CALHM4: variants seen among roughly 807,000 people sequenced by gnomAD.
CALHM4 encodes calcium homeostasis modulator family member 4, also known as calcium homeostasis modulator protein 4.
Under a neutral mutation model 13.3 loss-of-function variants are expected in CALHM4, and 16 were observed. That is an observed-to-expected ratio of 1.20 (90% confidence interval 0.81 to 1.82). The LOEUF (loss-of-function observed/expected upper bound fraction) is 1.82. CALHM4 is among the 40% of genes most tolerant of loss of function. The pLI is 0.00. For missense variants in CALHM4, 344 were observed against 374.9 expected (o/e 0.92, Z 0.68); for synonymous variants, 127 against 137.1 (o/e 0.93, Z 0.52).
At chr6:116,529,809 C>G (rs1321532) in intron 1 of CALHM4, among the ~76,000 whole-genome samples, 57,311 of 152,014 alleles carry the variant, frequency 0.38, 12,445 homozygotes, top group East Asian at 0.54. Context: ...TGAAAATAAA[C>G]AGGTTCCAGG....
chr6:116,530,835 G>A lies in CALHM4; in HGVS notation c.-109+1645G>A, dbSNP rs1270585773. Among the ~76,000 whole-genome samples the A allele has an allele frequency of 5.1e-5, 7 of 137,356 alleles. No homozygotes were observed. In the East Asian group the frequency reaches 1.5e-3, roughly 30 times the overall value. 90.1% of individuals were successfully genotyped at this position (137,356 alleles called of 152,430 possible). On this transcript the variant is annotated intron_variant, in intron 1 of 2. Transcript: ENST00000368597. Reference sequence around the variant, plus strand: ...CCCCAAATTCTAGCTCTGAAACAAAGAAAAACAAACACCAGCATCAGTAAC... The same window carrying A: ...CCCCAAATTCTAGCTCTGAAACAAAAAAAAACAAACACCAGCATCAGTAAC...
At chr6:116,545,388 G>A in intron 2 of CALHM4, 1 of 1,186,782 alleles carries the variant, frequency 8.4e-7, no homozygotes. Flanking sequence ...AATTCTTATA[G>A]CATCAGTTTT....
intron 1 of CALHM4, among the ~76,000 whole-genome samples, chr6:116,540,028 T>C (rs1562353328): frequency 6.6e-6 from 1 of 152,154 alleles, no homozygotes; most frequent in African/African-American, 2.4e-5. Flanking sequence ...GTGCTGAAAA[T>C]TATCGTAAAG....
intron 1 of CALHM4, chr6:116,543,171 C>A: frequency 1.6e-6 from 1 of 612,568 alleles, no homozygotes; most frequent in Non-Finnish European, 2.7e-6. Context: ...TTATGTTCAG[C>A]TTTCAGATGT....
At position 116,559,766 on chromosome 6, in the gene CALHM4, G is replaced by A. The variant is rs1432779731; in HGVS notation, c.*1555G>A. ...TTAAGGTCTCTTTTACATCAAGTAC[G>A]ATTTTTATGTTTATGTTTATATATA... is the stretch of plus-strand genomic sequence containing the variant. On this transcript the variant is annotated 3_prime_UTR_variant, in exon 2 of 2. Transcript: ENST00000368596. 5.3e-5 allele frequency among the ~76,000 whole-genome samples: 8 copies of A among 152,032 alleles called. No homozygotes were observed. Among genetic ancestry groups the A allele is most frequent in the Non-Finnish European group, 1.2e-4 (8 of 67,988 alleles).
upstream of CALHM4, among the ~76,000 whole-genome samples, chr6:116,552,014 G>A (rs1337127143): frequency 6.6e-6 from 1 of 152,108 alleles, no homozygotes; most frequent in African/African-American, 2.4e-5. Flanking sequence ...TTATACTTGT[G>A]CCCATCATTA....
chr6:116,543,915 G>A, intron 2 of CALHM4: 1 of 1,421,268 alleles, frequency 7.0e-7, no homozygotes, highest in Non-Finnish European at 9.5e-7. Flanking sequence ...AGGGGAATGT[G>A]ATATTTCCTT....
At chr6:116,534,388 G>T (rs1772940492) in intron 1 of CALHM4, among the ~76,000 whole-genome samples, 1 of 152,052 alleles carries the variant, frequency 6.6e-6, no homozygotes, top group Non-Finnish European at 1.5e-5. Flanking sequence ...AGGAGTTTTG[G>T]CTTGAAATAT....
chr6:116,553,046 C>A (rs1456833292), upstream of CALHM4, among the ~76,000 whole-genome samples: 1 of 152,192 alleles, frequency 6.6e-6, no homozygotes, highest in Admixed American at 6.5e-5. Flanking sequence ...TGCACTCCAG[C>A]CTGGGCGACA....
At chr6:116,557,423 C>A (rs1270710358) in intron 1 of CALHM4, among the ~76,000 whole-genome samples, 2 of 152,150 alleles carry the variant, frequency 1.3e-5, no homozygotes, top group Non-Finnish European at 2.9e-5. Flanking sequence ...CCATCATTAT[C>A]AAATACTTAT....
intron 1 of CALHM4, among the ~76,000 whole-genome samples, chr6:116,536,745 G>C (rs1016802705): frequency 3.3e-5 from 5 of 152,164 alleles, no homozygotes; most frequent in African/African-American, 1.2e-4. Context: ...TGAGAGGGGA[G>C]CCAAACAAAT....
rs1774562944 is a variant in CALHM4 at position 116,560,884 on chromosome 6, T to C, written c.*2673T>C. 6.6e-6 allele frequency among the ~76,000 whole-genome samples: 1 copy of C among 152,224 alleles called. No individual in the cohort carries two copies. Among genetic ancestry groups the C allele is most frequent in the South Asian group, 2.1e-4 (1 of 4,832 alleles). On this transcript the variant is annotated 3_prime_UTR_variant, in exon 2 of 2. Transcript: ENST00000368596. ...TGACATATATAAACCTGCTCCTTTC[T>C]TAATTTCATTAGCTCCTCCACGGTC...
Position 116,540,144 on chromosome 6 carries a change from C to T in CALHM4, c.-108-3621C>T, listed in dbSNP as rs188129016. 8.5e-5 allele frequency among the ~76,000 whole-genome samples: 13 copies of T among 152,276 alleles called. No homozygotes were observed. In the South Asian group the frequency reaches 2.5e-3, roughly 29 times the overall value. The stretch of plus-strand genomic sequence containing the variant: ...CTGTGAGACATATACTCTACACACT[C>T]CTGTAGTCAGGAAAATCTATAGTTG... On this transcript the variant is annotated intron_variant, in intron 1 of 2. Transcript: ENST00000368597.
chr6:116,539,262 T>C (rs1239753657), intron 1 of CALHM4, among the ~76,000 whole-genome samples: 1 of 152,240 alleles, frequency 6.6e-6, no homozygotes, highest in Non-Finnish European at 1.5e-5. Context: ...ATCTTACTTA[T>C]ATTCTGACAA....
upstream of CALHM4, among the ~76,000 whole-genome samples, chr6:116,550,015 TATATATATA>T (rs1562361125): frequency 2.8e-5 from 2 of 70,686 alleles, no homozygotes; most frequent in East Asian, 1.0e-3. Context: ...TATATATATA[TATATATATA>T]TACACACACA....
At chr6:116,535,091 G>T (rs1161175373) in intron 1 of CALHM4, among the ~76,000 whole-genome samples, 1 of 152,194 alleles carries the variant, frequency 6.6e-6, no homozygotes, top group Non-Finnish European at 1.5e-5. Flanking sequence ...TAACTAGAAG[G>T]TATGGATGGA....
chr6:116,550,497 T>C (rs567633252), upstream of CALHM4, among the ~76,000 whole-genome samples: 12 of 152,188 alleles, frequency 7.9e-5, no homozygotes, highest in East Asian at 3.9e-4. Flanking sequence ...TATCTCATCA[T>C]AGGGTTATTG....
chr6:116,529,759 T>C (rs1311612506), intron 1 of CALHM4, among the ~76,000 whole-genome samples: 1 of 152,074 alleles, frequency 6.6e-6, no homozygotes, highest in Admixed American at 6.5e-5. Flanking sequence ...CTCCACAATA[T>C]CAGTGAGAGA....
chr6:116,554,196 G>C lies in CALHM4; in HGVS notation c.403G>C (p.Glu135Gln). Reference protein sequence around the residue: ...TGTYYECAASEFASVDHYPMF... With the variant: ...TGTYYECAASQFASVDHYPMF... ...CACGTATTATGAATGTGCAGCAAGT[G>C]AATTTGCATCTGTGGACCATTACCC... is the stretch of plus-strand genomic sequence containing the variant. Residue 135 changes from glutamate (E) to glutamine (Q), a missense_variant, in exon 1 of 2, where the codon GAA (glutamate) becomes CAA (glutamine). Glu to Gln is a conservative substitution (Grantham distance 29). Transcript: ENST00000368596. 1 of 1,550,602 alleles carries C rather than the reference G, an allele frequency of 6.4e-7. No individual in the cohort carries two copies. Among genetic ancestry groups the C allele is most frequent in the Non-Finnish European group, 8.7e-7 (1 of 1,146,994 alleles).
Sources: allele counts gnomAD v4.1 joint callset (sites outside exome capture counted in the v4.1 genomes callset), GRCh38; gene constraint gnomAD v4.1.1; transcripts MANE v1.5; gene names NCBI Gene and HGNC (gene_info 2026-07-23, HGNC 2026-07-21).